The following PELI1 variants were observed in gnomAD, a reference collection of about 807,000 sequenced individuals.
The protein encoded by PELI1 is pellino E3 ubiquitin protein ligase 1.
PELI1 carries 15 observed loss-of-function variants against 41.3 expected under a neutral mutation model. The ratio of observed to expected loss-of-function variants is 0.36; its 90% confidence interval spans 0.24 to 0.56. PELI1 has a LOEUF of 0.56. Among genes scored for constraint, PELI1 ranks in the 20% least tolerant of loss-of-function variants. PELI1 has a pLI of 0.82. For missense variants in PELI1, 403 were observed against 525.5 expected, an observed-to-expected ratio of 0.77 and a Z score of 2.28; for synonymous variants, 178 against 180.1, an observed-to-expected ratio of 0.99 and a Z score of 0.09.
At chr2:64,108,861 C>T (rs564568755) in intron 1 of PELI1, among the ~76,000 whole-genome samples, 1 of 152,216 alleles carries the variant, frequency 6.6e-6, no homozygotes, top group Non-Finnish European at 1.5e-5. Context: ...CTTGCTCTCT[C>T]TAGCCAAAGA....
chr2:64,109,555 C>T (rs527524910), intron 1 of PELI1, among the ~76,000 whole-genome samples: 6 of 152,210 alleles, frequency 3.9e-5, no homozygotes, highest in South Asian at 2.1e-4. Flanking sequence ...TGGCACATGC[C>T]TGTAATCCCA....
At chr2:64,121,137 T>C (rs1681195225) in intron 1 of PELI1, among the ~76,000 whole-genome samples, 1 of 152,240 alleles carries the variant, frequency 6.6e-6, no homozygotes, top group Non-Finnish European at 1.5e-5. Flanking sequence ...ATATCCAATG[T>C]TGATACCTGT....
chr2:64,143,117 T>A (rs1365556812), intron 1 of PELI1: 3 of 152,220 alleles, frequency 2.0e-5, no homozygotes, highest in South Asian at 4.1e-4. Context: ...TGTACATTTT[T>A]AAAAAACCTC....
intron 1 of PELI1, among the ~76,000 whole-genome samples, chr2:64,112,550 G>T (rs999608643): frequency 6.6e-6 from 1 of 152,114 alleles, no homozygotes; most frequent in Non-Finnish European, 1.5e-5. Context: ...TTTCCAATCA[G>T]ACATATTCTT....
chr2:64,100,892 A>T (rs1213659288), intron 3 of PELI1, among the ~76,000 whole-genome samples: 5 of 151,882 alleles, frequency 3.3e-5, no homozygotes, highest in Non-Finnish European at 4.4e-5. Context: ...ACGCCTGGCT[A>T]ATTTTTTTTG....
intron 4 of PELI1, among the ~76,000 whole-genome samples, chr2:64,098,012 C>G (rs1162437742): frequency 6.6e-6 from 1 of 152,070 alleles, no homozygotes; most frequent in South Asian, 2.1e-4. Flanking sequence ...AAGGATTGAA[C>G]TAATATTCAG....
At chr2:64,121,017 C>T (rs1370018511) in intron 1 of PELI1, among the ~76,000 whole-genome samples, 4 of 152,160 alleles carry the variant, frequency 2.6e-5, no homozygotes, top group South Asian at 2.1e-4. Context: ...GGTAACTGTC[C>T]CATCCCCTGA....
At position 64,094,656 on chromosome 2, in the gene PELI1, A is replaced by T; in HGVS notation, c.*46T>A. The T allele has an allele frequency of 6.9e-7, 1 of 1,446,030 alleles. No individual in the cohort carries two copies. The highest frequency in any genetic ancestry group is 9.6e-7 in the Non-Finnish European group (1 of 1,040,192). 89.6% of individuals were successfully genotyped at this position (1,446,030 alleles called of 1,614,324 possible). On this transcript the variant is annotated 3_prime_UTR_variant, in exon 7 of 7. Coordinates refer to ENST00000358912, the MANE Select transcript of PELI1 (RefSeq NM_020651.4). Reference sequence around the variant, plus strand: ...GACAACAGGTTCGAAAACCCAACTCACTTAGCTTATAAATTTATAATGTAG... The same window carrying T: ...GACAACAGGTTCGAAAACCCAACTCTCTTAGCTTATAAATTTATAATGTAG...
rs183359346 is a variant in PELI1 at position 64,121,143 on chromosome 2, C to T, written c.-69-12764G>A. ...AGGCTGCTTATATCCAATGTTGATACCTGTTCAGTCCAGGAAACATACCTG... is the reference window on the plus strand; with the variant it reads ...AGGCTGCTTATATCCAATGTTGATATCTGTTCAGTCCAGGAAACATACCTG... On this transcript the variant is annotated intron_variant, in intron 1 of 6. Coordinates refer to ENST00000358912, the MANE Select transcript of PELI1 (RefSeq NM_020651.4). 7.2e-3 allele frequency among the ~76,000 whole-genome samples: 1,095 copies of T among 152,288 alleles called. 8 individuals carry two copies. Among genetic ancestry groups the T allele is most frequent in the Non-Finnish European group, 6.1e-3 (414 of 68,020 alleles).
intron 1 of PELI1, among the ~76,000 whole-genome samples, chr2:64,121,098 C>G (rs1007214401): frequency 6.6e-6 from 1 of 152,108 alleles, no homozygotes; most frequent in Non-Finnish European, 1.5e-5. Context: ...TAGGTTACAG[C>G]GAAATAAATC....
chr2:64,095,452 C>T (rs556066266), intron 6 of PELI1, among the ~76,000 whole-genome samples, 184 bp from the exon 7 acceptor site: 2 of 152,242 alleles, frequency 1.3e-5, no homozygotes, highest in African/African-American at 2.4e-5. Context: ...AAATATCAAA[C>T]ATTAACATAT....
chr2:64,101,823 GAT>G (rs1491284277), intron 3 of PELI1, among the ~76,000 whole-genome samples: 1 of 125,000 alleles, frequency 8.0e-6, no homozygotes, highest in African/African-American at 3.4e-5. Context: ...TTTTGCTTCT[GAT>G]TTTTTTTTTT....
chr2:64,104,692 T>C lies in PELI1; in HGVS notation c.201+9A>G, dbSNP rs565666167. ...GTTAATTTATGTAGCTTTTTTTTTT[T>C]TTTTTTACCTTTGCAGCCTGAGGAG... On this transcript the variant is annotated intron_variant, in intron 3 of 6. Coordinates refer to ENST00000358912, the MANE Select transcript of PELI1 (RefSeq NM_020651.4). The C allele has an allele frequency of 7.1e-6, 11 of 1,553,750 alleles. No individual in the cohort carries two copies. The highest frequency in any genetic ancestry group is 2.1e-5 in the Admixed American group (1 of 46,634).
chr2:64,110,305 A>G (rs1680770345), intron 1 of PELI1, among the ~76,000 whole-genome samples: 1 of 151,708 alleles, frequency 6.6e-6, no homozygotes, highest in African/African-American at 2.4e-5. Context: ...GAGAGAGAAC[A>G]CTGCATTTAT....
At chr2:64,109,810 G>A (rs1020168238) in intron 1 of PELI1, among the ~76,000 whole-genome samples, 3 of 152,190 alleles carry the variant, frequency 2.0e-5, no homozygotes, top group Non-Finnish European at 2.9e-5. Flanking sequence ...GAAATTACTC[G>A]ATCTGAATAG....
chr2:64,126,384 G>A (rs1681385072), intron 1 of PELI1, among the ~76,000 whole-genome samples: 1 of 152,144 alleles, frequency 6.6e-6, no homozygotes, highest in African/African-American at 2.4e-5. Flanking sequence ...GGACGGTCAC[G>A]ATCTCTTGAC....
At chr2:64,120,617 A>G (rs1681175213) in intron 1 of PELI1, among the ~76,000 whole-genome samples, 1 of 152,192 alleles carries the variant, frequency 6.6e-6, no homozygotes, top group South Asian at 2.1e-4. Context: ...TGATACCCAT[A>G]GTTCACAGCC....
intron 1 of PELI1, among the ~76,000 whole-genome samples, chr2:64,120,355 T>C (rs909415566): frequency 1.3e-5 from 2 of 152,234 alleles, no homozygotes; most frequent in African/African-American, 4.8e-5. Context: ...ATCCTCCAAA[T>C]AGCCAAAGGC....
chr2:64,109,875 C>T (rs760012261), intron 1 of PELI1, among the ~76,000 whole-genome samples: 2 of 152,058 alleles, frequency 1.3e-5, no homozygotes, highest in African/African-American at 2.4e-5. Context: ...TAGACCCGTG[C>T]GTGAGACTAT....
Sources: gnomAD v4.1 joint callset for allele counts (sites outside exome capture counted in the v4.1 genomes callset) on GRCh38, gnomAD v4.1.1 for gene constraint, MANE v1.5 for transcripts, NCBI Gene and HGNC (gene_info 2026-07-23, HGNC 2026-07-21) for gene names.